SPATA17: variants seen among roughly 807,000 people sequenced by gnomAD.
SPATA17 encodes the protein spermatogenesis-associated protein 17.
In SPATA17, 53 loss-of-function variants were observed where a neutral mutation model predicts 62.2. The observed-to-expected ratio is 0.85, with a 90% CI of 0.68 to 1.07. The LOEUF is 1.07. SPATA17 is among the 50% of genes least tolerant of loss of function. The probability of loss-of-function intolerance (pLI) is 0.00; values close to 1 mark genes in which losing one functional copy is unlikely to be tolerated. For missense variants in SPATA17, 466 were observed against 425.5 expected (o/e 1.10, Z -0.84); for synonymous variants, 146 against 146.8 (o/e 0.99, Z 0.04).
At chr1:217,855,888 A>G (rs1675774134) in intron 9 of SPATA17, among the ~76,000 whole-genome samples, 1 of 151,768 alleles carries the variant, frequency 6.6e-6, no homozygotes, top group African/African-American at 2.4e-5. Flanking sequence ...CACCAAGTCC[A>G]GCTAATTTTT....
intron 9 of SPATA17, among the ~76,000 whole-genome samples, chr1:217,825,194 A>G (rs750581660): frequency 2.3e-4 from 35 of 151,978 alleles, no homozygotes; most frequent in Non-Finnish European, 4.0e-4. Flanking sequence ...TAAAAAATTC[A>G]GGATAGTGGC....
chr1:217,677,159 C>T (rs1203190960), intron 4 of SPATA17, among the ~76,000 whole-genome samples: 1 of 152,084 alleles, frequency 6.6e-6, no homozygotes, highest in Non-Finnish European at 1.5e-5. Flanking sequence ...TGCCAAATAA[C>T]ATCACTTTAT....
At chr1:217,704,830 G>T (rs1473669256) in intron 5 of SPATA17, among the ~76,000 whole-genome samples, 1 of 151,998 alleles carries the variant, frequency 6.6e-6, no homozygotes, top group Non-Finnish European at 1.5e-5. Flanking sequence ...TTGATTCCAT[G>T]TCTTTGCTAT....
chr1:217,808,377 ACACACCCC>A (rs111378505), intron 9 of SPATA17, among the ~76,000 whole-genome samples: 40,811 of 116,760 alleles, frequency 0.35, 6,474 homozygotes, highest in Non-Finnish European at 0.46. Context: ...ACACACACAC[ACACACCCC>A]CCTCAGAATT....
chr1:217,765,892 C>T lies in SPATA17; in HGVS notation c.520-8442C>T, dbSNP rs1008904578. Among the ~76,000 whole-genome samples, 5 of 152,062 alleles carry T rather than the reference C, an allele frequency of 3.3e-5. No homozygotes were observed. The South Asian group carries it at 6.2e-4, about 19-fold the overall frequency. On this transcript the variant is annotated intron_variant, in intron 6 of 10. Transcript: ENST00000366933. ...TTGTGTCTTCTTGGGAAATTGAGTG[C>T]TTTATCATTATGTATTACCCCTCTT...
intron 6 of SPATA17, among the ~76,000 whole-genome samples, chr1:217,742,604 G>A (rs747279214): frequency 5.9e-5 from 9 of 152,196 alleles, no homozygotes; most frequent in Admixed American, 3.9e-4. Context: ...CACGAAATTT[G>A]GAATACTTAG....
At chr1:217,840,351 A>T (rs1675362595) in intron 9 of SPATA17, among the ~76,000 whole-genome samples, 2 of 152,132 alleles carry the variant, frequency 1.3e-5, no homozygotes, top group Admixed American at 1.3e-4. Context: ...AAACTGACAC[A>T]TATTGAGAAA....
At chr1:217,725,440 A>G (rs993172328) in intron 5 of SPATA17, among the ~76,000 whole-genome samples, 5 of 152,190 alleles carry the variant, frequency 3.3e-5, no homozygotes, top group Admixed American at 2.0e-4. Flanking sequence ...TTTCAAAAAT[A>G]CCAAATTGTG....
At chr1:217,636,835 A>C (rs1669953435) in intron 1 of SPATA17, among the ~76,000 whole-genome samples, 1 of 152,222 alleles carries the variant, frequency 6.6e-6, no homozygotes, top group Non-Finnish European at 1.5e-5. Context: ...TTGCTGAACA[A>C]AATTTAAATC....
chr1:217,749,570 A>G (rs1279327933), intron 6 of SPATA17, among the ~76,000 whole-genome samples: 2 of 151,840 alleles, frequency 1.3e-5, no homozygotes, highest in Non-Finnish European at 2.9e-5. Flanking sequence ...TGTTTTTGCT[A>G]TCGTCTTTCA....
At chr1:217,820,745 T>C (rs1220421084) in intron 9 of SPATA17, among the ~76,000 whole-genome samples, 1 of 151,990 alleles carries the variant, frequency 6.6e-6, no homozygotes, top group African/African-American at 2.4e-5. Context: ...TTTACTAGAA[T>C]CACAAAATTG....
At chr1:217,639,080 G>T (rs1254661371) in intron 1 of SPATA17, among the ~76,000 whole-genome samples, 1 of 152,034 alleles carries the variant, frequency 6.6e-6, no homozygotes, top group East Asian at 1.9e-4. Context: ...ACTGAAGAAA[G>T]AGTATGGCTT....
At chr1:217,714,951 A>G (rs1471000706) in intron 5 of SPATA17, among the ~76,000 whole-genome samples, 1 of 152,182 alleles carries the variant, frequency 6.6e-6, no homozygotes, top group Non-Finnish European at 1.5e-5. Flanking sequence ...TTAGCTTAAT[A>G]TGGTAATAAG....
chr1:217,657,363 C>T (rs1670467580), intron 3 of SPATA17, among the ~76,000 whole-genome samples: 1 of 152,206 alleles, frequency 6.6e-6, no homozygotes, highest in Non-Finnish European at 1.5e-5. Flanking sequence ...TTACACCTCA[C>T]ACTGCTCTGC....
intron 9 of SPATA17, among the ~76,000 whole-genome samples, chr1:217,828,083 T>G (rs898985841): frequency 6.6e-6 from 1 of 152,080 alleles, no homozygotes; most frequent in African/African-American, 2.4e-5. Context: ...ACAAAAATCC[T>G]AAAATTTGTA....
At chr1:217,813,870 G>T (rs1674654259) in intron 9 of SPATA17, among the ~76,000 whole-genome samples, 1 of 151,818 alleles carries the variant, frequency 6.6e-6, no homozygotes, top group East Asian at 1.9e-4. Flanking sequence ...AGAAAATTGG[G>T]CAGAGCCAAA....
chr1:217,727,194 C>T (rs532625633), intron 5 of SPATA17, among the ~76,000 whole-genome samples: 1 of 151,336 alleles, frequency 6.6e-6, no homozygotes, highest in Non-Finnish European at 1.5e-5. Flanking sequence ...TTGCCGTCAG[C>T]GGAGATCGCG....
chr1:217,633,270 A>G (rs1210156604), intron 1 of SPATA17, among the ~76,000 whole-genome samples: 19 of 152,154 alleles, frequency 1.2e-4, no homozygotes, highest in Non-Finnish European at 1.0e-4. Flanking sequence ...AGAAAGGGAA[A>G]CAACCAGTAT....
intron 8 of SPATA17, 121 bp downstream of exon 8, chr1:217,782,443 G>T: frequency 9.1e-7 from 1 of 1,098,600 alleles, no homozygotes. Context: ...AGCCACCCCT[G>T]ACCTGTTCCA....
Sources: gnomAD v4.1 joint callset for allele counts (sites outside exome capture counted in the v4.1 genomes callset) on GRCh38, gnomAD v4.1.1 for gene constraint, MANE v1.5 for transcripts, NCBI Gene and HGNC (gene_info 2026-07-23, HGNC 2026-07-21) for gene names.